Variants in NOSTRIN observed in about 807,000 individuals in gnomAD.
The protein encoded by NOSTRIN is BM247 homolog.
A neutral mutation model predicts 59.0 loss-of-function variants in NOSTRIN; 63 were observed. The ratio of observed to expected loss-of-function variants is 1.07; its 90% CI spans 0.87 to 1.32. The LOEUF (loss-of-function observed/expected upper bound fraction) is 1.32, where lower values mean the gene tolerates loss of function less well. NOSTRIN is among the 40% of genes most tolerant of loss of function. The probability of loss-of-function intolerance (pLI) is 0.00; values close to 1 mark genes in which losing one functional copy is unlikely to be tolerated. For synonymous variants in NOSTRIN, 200 were observed against 165.4 expected (o/e 1.21, Z -1.61); for missense variants, 512 against 473.1 (o/e 1.08, Z -0.76).
intron 1 of NOSTRIN, among the ~76,000 whole-genome samples, chr2:168,805,367 A>C (rs1436873047): frequency 3.3e-5 from 5 of 152,228 alleles, no homozygotes; most frequent in Non-Finnish European, 5.9e-5. Context: ...GACAAGGAAA[A>C]GAATTGGCTC....
At chr2:168,854,731 G>GTTAC (rs1688972061) in intron 10 of NOSTRIN, among the ~76,000 whole-genome samples, 1 of 152,090 alleles carries the variant, frequency 6.6e-6, no homozygotes. Context: ...TGACTAGACA[G>GTTAC]TTACGTCTTC....
At chr2:168,816,432 C>T (rs1173949691) in intron 2 of NOSTRIN, among the ~76,000 whole-genome samples, 1 of 152,192 alleles carries the variant, frequency 6.6e-6, no homozygotes, top group East Asian at 1.9e-4. Context: ...ATGATCCCTG[C>T]CTCTCTCCTT....
intron 6 of NOSTRIN, among the ~76,000 whole-genome samples, chr2:168,833,561 T>A (rs1255724110): frequency 6.6e-6 from 1 of 152,212 alleles, no homozygotes. Flanking sequence ...TGGAGCATCA[T>A]CTTCAGTTAA....
intron 8 of NOSTRIN, among the ~76,000 whole-genome samples, chr2:168,848,820 G>A (rs756220687): frequency 6.6e-6 from 1 of 152,058 alleles, no homozygotes; most frequent in Non-Finnish European, 1.5e-5. Context: ...TCATGGGTAC[G>A]GTTTACTTTT....
chr2:168,844,955 G>T (rs1483998631), intron 8 of NOSTRIN, among the ~76,000 whole-genome samples: 1 of 152,048 alleles, frequency 6.6e-6, no homozygotes, highest in Admixed American at 6.6e-5. Flanking sequence ...AGGCTATATG[G>T]CAGGCGGAAA....
At chr2:168,855,501 A>G (rs1240211000) in intron 11 of NOSTRIN, 41 bp downstream of exon 11, 1 of 1,125,938 alleles carries the variant, frequency 8.9e-7, no homozygotes, top group East Asian at 2.4e-5. Flanking sequence ...AAGGGACCAT[A>G]TGATGCTCAG....
intron 7 of NOSTRIN, among the ~76,000 whole-genome samples, chr2:168,837,933 T>C (rs533709882): frequency 2.6e-5 from 4 of 152,330 alleles, no homozygotes; most frequent in African/African-American, 7.2e-5. Flanking sequence ...CTCCCTTTTT[T>C]GGCCTGATCT....
At chr2:168,813,755 AC>A (rs1686267246) in intron 2 of NOSTRIN, among the ~76,000 whole-genome samples, 1 of 152,242 alleles carries the variant, frequency 6.6e-6, no homozygotes, top group Non-Finnish European at 1.5e-5. Context: ...ACATTCCTGC[AC>A]AAAAACAGTA....
At chr2:168,797,265 T>A (rs1278552640), upstream of NOSTRIN, among the ~76,000 whole-genome samples, 1 of 151,922 alleles carries the variant, frequency 6.6e-6, no homozygotes, top group Non-Finnish European at 1.5e-5. Context: ...AGTTTTTTTA[T>A]TTTTTATTTT....
intron 3 of NOSTRIN, among the ~76,000 whole-genome samples, chr2:168,825,734 T>C (rs1687027070): frequency 6.6e-6 from 1 of 152,216 alleles, no homozygotes; most frequent in African/African-American, 2.4e-5. Context: ...GCTACAAAGA[T>C]TCTTGACTAA....
intron 1 of NOSTRIN, among the ~76,000 whole-genome samples, chr2:168,807,929 T>G (rs1314587539): frequency 6.6e-6 from 1 of 152,216 alleles, no homozygotes; most frequent in Non-Finnish European, 1.5e-5. Context: ...TAGACTGTGC[T>G]TTGGTCCAGC....
chr2:168,795,047 C>T (rs1273250663), upstream of NOSTRIN, among the ~76,000 whole-genome samples: 1 of 152,154 alleles, frequency 6.6e-6, no homozygotes, highest in Non-Finnish European at 1.5e-5. Flanking sequence ...AATAAATAAC[C>T]ATTTGGCATG....
intron 11 of NOSTRIN, 141 bp downstream of exon 11, chr2:168,855,601 T>TTA: frequency 8.1e-6 from 1 of 124,188 alleles, no homozygotes; most frequent in East Asian, 1.0e-4. Flanking sequence ...TTCAGTTGTG[T>TTA]GAACAAAAAA....
intron 1 of NOSTRIN, 69 bp downstream of exon 1, chr2:168,802,742 G>A (rs1685659676): frequency 1.2e-6 from 1 of 840,820 alleles, no homozygotes; most frequent in Non-Finnish European, 2.1e-6. Context: ...TATATTAATG[G>A]ATTTTAACTT....
In NOSTRIN at chr2:168,864,826, T is replaced by C. The variant is rs369879274; in HGVS notation, c.1385-8T>C. 15 of 1,613,682 alleles carry C rather than the reference T, an allele frequency of 9.3e-6. No homozygotes were observed. Among genetic ancestry groups the C allele is most frequent in the Non-Finnish European group, 1.3e-5 (15 of 1,179,708 alleles). On this transcript the variant is annotated splice_polypyrimidine_tract_variant and splice_region_variant and intron_variant, in intron 15 of 15. Coordinates refer to ENST00000317647, the MANE Select transcript of NOSTRIN (RefSeq NM_001039724.4). ...CAGAGACCCATTTGTCTAACTGTAT[T>C]TTCACAGGTGACATTGTGATTATAC...
chr2:168,795,480 T>A (rs1685455796), upstream of NOSTRIN, among the ~76,000 whole-genome samples: 1 of 152,254 alleles, frequency 6.6e-6, no homozygotes, highest in Non-Finnish European at 1.5e-5. Context: ...TGTCCATTAG[T>A]CTTCATTTCC....
chr2:168,859,554 C>A lies in NOSTRIN; in HGVS notation c.1096C>A (p.Leu366Met). 6.2e-7 allele frequency: 1 copy of A among 1,614,136 alleles called. No homozygotes were observed. The highest frequency in any genetic ancestry group is 1.1e-5 in the South Asian group (1 of 91,086). ...LDLLEANSYK[L>M]SSMLAELEQR... is the part of the protein sequence containing the mutation. Reference sequence around the variant, plus strand: ...CCTTTTGGAAGCGAACTCCTACAAACTGTCATCAATGTTAGCAGAACTTGA... The same window carrying A: ...CCTTTTGGAAGCGAACTCCTACAAAATGTCATCAATGTTAGCAGAACTTGA... The change falls in exon 13 of 16, where the codon CTG (leucine) becomes ATG (methionine). Residue 366 changes from leucine (L) to methionine (M), a missense_variant. Leu to Met is a conservative substitution (Grantham distance 15). Coordinates refer to ENST00000317647, the MANE Select transcript of NOSTRIN (RefSeq NM_001039724.4).
intron 2 of NOSTRIN, among the ~76,000 whole-genome samples, chr2:168,790,270 G>A (rs983270600): frequency 6.6e-6 from 1 of 152,164 alleles, no homozygotes; most frequent in Non-Finnish European, 1.5e-5. Flanking sequence ...GGGAAACTAT[G>A]AGTTCATATG....
At position 168,834,284 on chromosome 2, in the gene NOSTRIN, GA is replaced by G. The variant is rs1687543182; in HGVS notation, c.466del (p.Ser156AlafsTer6). The G allele has an allele frequency of 1.1e-6, 1 of 872,762 alleles. No homozygotes were observed. The highest frequency in any genetic ancestry group is 1.6e-5 in the African/African-American group (1 of 61,282). 54.1% of individuals were successfully genotyped at this position (872,762 alleles called of 1,614,324 possible). On this transcript the variant is annotated frameshift_variant, in exon 7 of 16. Coordinates refer to ENST00000317647, the MANE Select transcript of NOSTRIN (RefSeq NM_001039724.4). LOFTEE classifies it high-confidence loss of function. ...KKHEALFQLV[E>X]SSKQSMTEKE... ...ACATGAAGCACTTTTCCAGCTTGTA[GA>G]AAGCTCCAAGCAATCTATGACTGAG...
Sources: allele counts gnomAD v4.1 joint callset (sites outside exome capture counted in the v4.1 genomes callset), GRCh38; gene constraint gnomAD v4.1.1; transcripts MANE v1.5; gene names NCBI Gene and HGNC (gene_info 2026-07-23, HGNC 2026-07-21).